Variants in ADGRV1 observed in about 807,000 individuals in gnomAD.
The protein encoded by ADGRV1 is adhesion G protein-coupled receptor V1, also known as G-protein coupled receptor 98.
Under a neutral mutation model 596.2 loss-of-function variants are expected in ADGRV1, and 359 were observed. That is an observed-to-expected ratio of 0.60 (90% CI 0.55 to 0.66). The LOEUF (loss-of-function observed/expected upper bound fraction) is 0.66. ADGRV1 is among the 30% of genes least tolerant of loss of function. The pLI is 0.00. For missense variants in ADGRV1, 7,274 were observed against 7,575.6 expected (o/e 0.96, Z 1.48); for synonymous variants, 2,681 against 2,679.2 (o/e 1.00, Z -0.02).
chr5:90,811,442 G>A, intron 74 of ADGRV1, 104 bp downstream of exon 74: 1 of 1,090,568 alleles, frequency 9.2e-7, no homozygotes. Context: ...AAGTTCTTAA[G>A]TTATTCATAG....
intron 85 of ADGRV1, among the ~76,000 whole-genome samples, chr5:91,060,271 A>G (rs1787286241): frequency 6.6e-6 from 1 of 151,926 alleles, no homozygotes; most frequent in African/African-American, 2.4e-5. Context: ...CCCAGGCTGG[A>G]GTGCAGTGGC....
chr5:90,584,446 T>G (rs1758480422), intron 1 of ADGRV1, among the ~76,000 whole-genome samples: 1 of 152,228 alleles, frequency 6.6e-6, no homozygotes, highest in Admixed American at 6.5e-5. Context: ...CCAACTTCTC[T>G]AAAAATTAAT....
intron 85 of ADGRV1, among the ~76,000 whole-genome samples, chr5:91,064,261 A>C (rs1460894267): frequency 6.6e-6 from 1 of 152,228 alleles, no homozygotes; most frequent in African/African-American, 2.4e-5. Context: ...CACTAACTTG[A>C]ATATGTCTAT....
intron 28 of ADGRV1, 141 bp from the exon 29 acceptor site, chr5:90,685,636 AAAT>A (rs1561524099): frequency 1.4e-4 from 33 of 244,280 alleles, no homozygotes; most frequent in African/African-American, 7.4e-4. Context: ...ATAAATAAAT[AAAT>A]AAAATAAATA....
intron 29 of ADGRV1, among the ~76,000 whole-genome samples, chr5:90,689,204 G>A (rs1746127918): frequency 6.6e-6 from 1 of 151,972 alleles, no homozygotes; most frequent in Non-Finnish European, 1.5e-5. Flanking sequence ...TGTAGGCTGG[G>A]GTAGCTCCTA....
In ADGRV1 at chr5:90,596,177, A is replaced by G. The variant is rs940389156; in HGVS notation, c.23-18658A>G. Among the ~76,000 whole-genome samples, 20 of 137,212 alleles carry G rather than the reference A, an allele frequency of 1.5e-4. No individual in the cohort carries two copies. In the East Asian group the frequency reaches 3.8e-3, roughly 26 times the overall value. The allele number at this position is 137,212 out of a possible 152,430, so 90.0% of individuals were successfully genotyped here. A position where few individuals can be genotyped will look rare whatever the true frequency, so the allele number is the denominator to read the frequency against. On this transcript the variant is annotated intron_variant, in intron 1 of 89. Transcript: ENST00000405460. ...GGGCGGCGGGGCAGAGGCGCTCCCCACATCCCAGACGATGGGCGGCCGGGC... is the reference window on the plus strand; with the variant it reads ...GGGCGGCGGGGCAGAGGCGCTCCCCGCATCCCAGACGATGGGCGGCCGGGC...
At chr5:90,980,084 G>A (rs1995775) in intron 84 of ADGRV1, among the ~76,000 whole-genome samples, 113,904 of 152,052 alleles carry the variant, frequency 0.75, 43,575 homozygotes, top group African/African-American at 0.9. Context: ...CTTTCAATTA[G>A]GTACTCCCAA....
chr5:90,824,435 G>A lies in ADGRV1; in HGVS notation c.16368+839G>A, dbSNP rs146905103. 6.6e-5 allele frequency among the ~76,000 whole-genome samples: 10 copies of A among 152,314 alleles called. No individual in the cohort carries two copies. In the East Asian group the frequency reaches 1.9e-3, roughly 29 times the overall value. ...CAGCTATATAGGAAAGTTGATGCAG[G>A]CAAATGTGTTGCTGTTGTGGCCACC... On this transcript the variant is annotated intron_variant, in intron 76 of 89. Coordinates refer to ENST00000405460, the MANE Select transcript of ADGRV1 (RefSeq NM_032119.4).
At chr5:90,568,682 C>T (rs894618491) in intron 1 of ADGRV1, among the ~76,000 whole-genome samples, 6 of 152,016 alleles carry the variant, frequency 3.9e-5, no homozygotes, top group Non-Finnish European at 5.9e-5. Flanking sequence ...TTTATTTAGT[C>T]GTTATATTCA....
chr5:90,823,525 G>C lies in ADGRV1; in HGVS notation c.16297G>C (p.Val5433Leu). The C allele has an allele frequency of 1.2e-6, 2 of 1,613,924 alleles. No homozygotes were observed. The highest frequency in any genetic ancestry group is 1.7e-6 in the Non-Finnish European group (2 of 1,179,806). ...GVNLVEELQSVSGTTTCTMGQ... is the reference protein window; with the variant it reads ...GVNLVEELQSLSGTTTCTMGQ... Reference sequence around the variant, plus strand: ...AAACCTGGTGGAGGAACTTCAGTCTGTGTCAGGGACCACAACCTGTACAAT... The same window carrying C: ...AAACCTGGTGGAGGAACTTCAGTCTCTGTCAGGGACCACAACCTGTACAAT... Residue 5433 changes from valine to leucine, a missense_variant, in exon 76 of 90, where the codon GTG (valine) becomes CTG (leucine). This residue lies in a region of ADGRV1 where 1,874 missense variants were observed against 1,970.2 expected (regional missense o/e 0.95). Coordinates refer to ENST00000405460, the MANE Select transcript of ADGRV1 (RefSeq NM_032119.4).
chr5:91,123,256 T>C (rs1208290911), intron 87 of ADGRV1, among the ~76,000 whole-genome samples: 1 of 152,238 alleles, frequency 6.6e-6, no homozygotes, highest in African/African-American at 2.4e-5. Flanking sequence ...CATTATTATG[T>C]TATTATTCTG....
At position 90,961,165 on chromosome 5, in the gene ADGRV1, G is replaced by C. The variant is rs146552687; in HGVS notation, c.17857-4250G>C. The stretch of plus-strand genomic sequence containing the variant: ...ATAGGATAGTCTAGGTATCTGCCAT[G>C]ATCAGAGTAAGCAGGTAGAATTTGA... On this transcript the variant is annotated intron_variant, in intron 83 of 89. Transcript: ENST00000405460. 2.9e-3 allele frequency among the ~76,000 whole-genome samples: 436 copies of C among 152,218 alleles called. 1 individual carries two copies. The highest frequency in any genetic ancestry group is 0.01 in the African/African-American group (422 of 41,544).
At chr5:90,806,248 A>G (rs932374603) in intron 72 of ADGRV1, among the ~76,000 whole-genome samples, 15 of 152,200 alleles carry the variant, frequency 9.9e-5, no homozygotes, top group Non-Finnish European at 7.3e-5. Context: ...GCCAGCTTCC[A>G]TCCTAACAGG....
At chr5:90,579,045 C>A (rs7718860) in intron 1 of ADGRV1, among the ~76,000 whole-genome samples, 7,360 of 152,140 alleles carry the variant, frequency 0.048, 575 homozygotes, top group African/African-American at 0.17. Flanking sequence ...TTGATCTTTT[C>A]AAAAAACCAG....
chr5:90,776,633 T>C, intron 61 of ADGRV1, 57 bp downstream of exon 61: 1 of 1,543,576 alleles, frequency 6.5e-7, no homozygotes, highest in South Asian at 1.1e-5. Flanking sequence ...TTTATTTAAA[T>C]CATTAGTCTT....
chr5:90,800,988 G>A (rs941305662), intron 70 of ADGRV1, among the ~76,000 whole-genome samples: 1 of 152,050 alleles, frequency 6.6e-6, no homozygotes, highest in African/African-American at 2.4e-5. Context: ...GTTGATGGGT[G>A]CAGCAAACCA....
chr5:90,694,092 G>A lies in ADGRV1; in HGVS notation c.7336G>A (p.Glu2446Lys), dbSNP rs1746852804. ...TACCTGTGCCACTTTGTGCCTTAAGGAACAAGCTTGCTCAGCGTTTTCATT... is the reference window on the plus strand; with the variant it reads ...TACCTGTGCCACTTTGTGCCTTAAGAAACAAGCTTGCTCAGCGTTTTCATT... ...LYTCATLCLK[E>K]QACSAFSFFS... The change falls in exon 33 of 90, where the codon GAA becomes AAA. Residue 2446 changes from glutamate (E) to lysine (K), a missense_variant. This residue lies in a region of ADGRV1 where 3,643 missense variants were observed against 3,809.2 expected (regional missense o/e 0.96). Coordinates refer to ENST00000405460, the MANE Select transcript of ADGRV1 (RefSeq NM_032119.4). The A allele has an allele frequency of 9.3e-6, 15 of 1,613,798 alleles. No individual in the cohort carries two copies. In the East Asian group the frequency reaches 3.3e-4, roughly 36 times the overall value.
intron 83 of ADGRV1, among the ~76,000 whole-genome samples, chr5:90,881,096 G>T (rs1769721240): frequency 6.6e-6 from 1 of 152,130 alleles, no homozygotes; most frequent in African/African-American, 2.4e-5. Flanking sequence ...AGATCATGAG[G>T]GTAAACACCA....
At chr5:90,819,285 G>A (rs1429190435) in intron 75 of ADGRV1, among the ~76,000 whole-genome samples, 6 of 151,040 alleles carry the variant, frequency 4.0e-5, no homozygotes, top group East Asian at 1.9e-4. Context: ...TTTTTATTCC[G>A]TCTATTTGAT....
Sources: allele counts gnomAD v4.1 joint callset (sites outside exome capture counted in the v4.1 genomes callset), GRCh38; gene constraint gnomAD v4.1.1; regional missense constraint gnomAD v4.1.1; transcripts MANE v1.5; gene names NCBI Gene and HGNC (gene_info 2026-07-23, HGNC 2026-07-21).